Variants in SELENOI observed in about 807,000 individuals in gnomAD.
The protein encoded by SELENOI is ethanolaminephosphotransferase 1.
In SELENOI, 24 loss-of-function variants were observed where a neutral mutation model predicts 50.7. The observed-to-expected ratio is 0.47, with a 90% CI of 0.34 to 0.67. SELENOI has a LOEUF of 0.67. SELENOI is among the 30% of genes least tolerant of loss of function. The pLI, the probability that SELENOI is intolerant of heterozygous loss-of-function variation, is 0.01. For missense variants in SELENOI, 352 were observed against 461.4 expected, an observed-to-expected ratio of 0.76 and a Z score of 2.17; for synonymous variants, 155 against 170.2, an observed-to-expected ratio of 0.91 and a Z score of 0.70.
At chr2:26,376,391 T>C (rs1325293498) in intron 6 of SELENOI, among the ~76,000 whole-genome samples, 1 of 152,244 alleles carries the variant, frequency 6.6e-6, no homozygotes, top group Non-Finnish European at 1.5e-5. Flanking sequence ...GATTGTCCCA[T>C]GGCAGGTTTC....
At chr2:26,369,713 C>T (rs554479095) in intron 4 of SELENOI, among the ~76,000 whole-genome samples, 64 of 152,196 alleles carry the variant, frequency 4.2e-4, no homozygotes, top group Non-Finnish European at 8.8e-4. Flanking sequence ...CCCATATTCC[C>T]TACAACTTTT....
Position 26,389,301 on chromosome 2 carries a change from CTA to C in SELENOI, c.*200_*201del. Reference sequence around the variant, plus strand: ...TAAGCCTATTTTATTTTTTATAAAACTATGTGACATTTTGGTTGAGCAGAATG... The same window carrying C: ...TAAGCCTATTTTATTTTTTATAAAACTGTGACATTTTGGTTGAGCAGAATG... On this transcript the variant is annotated 3_prime_UTR_variant, in exon 10 of 10. Coordinates refer to ENST00000260585, the MANE Select transcript of SELENOI (RefSeq NM_033505.4). The C allele has an allele frequency of 6.0e-6, 3 of 498,372 alleles. No individual in the cohort carries two copies. The highest frequency in any genetic ancestry group is 3.7e-4 in the Middle Eastern group (1 of 2,678). 30.9% of individuals were successfully genotyped at this position (498,372 alleles called of 1,614,324 possible). A position where few individuals can be genotyped will look rare whatever the true frequency, so the allele number is the denominator to read the frequency against.
intron 6 of SELENOI, among the ~76,000 whole-genome samples, chr2:26,377,380 A>C (rs899825781): frequency 6.6e-6 from 1 of 152,122 alleles, no homozygotes; most frequent in Non-Finnish European, 1.5e-5. Flanking sequence ...CTGTAGTCCC[A>C]GCACTTTGAG....
chr2:26,349,367 C>T (rs1009214835), intron 1 of SELENOI, among the ~76,000 whole-genome samples: 49 of 145,260 alleles, frequency 3.4e-4, no homozygotes, highest in Non-Finnish European at 6.7e-4. Flanking sequence ...AGTGCAGTGG[C>T]GCGATCTCAG....
intron 6 of SELENOI, among the ~76,000 whole-genome samples, chr2:26,378,606 T>G (rs756552761): frequency 2.6e-5 from 4 of 152,188 alleles, no homozygotes; most frequent in Non-Finnish European, 4.4e-5. Flanking sequence ...TTCCATCATC[T>G]GGTCTGGGAC....
At chr2:26,371,098 C>G (rs1218323213) in intron 4 of SELENOI, among the ~76,000 whole-genome samples, 5 of 135,580 alleles carry the variant, frequency 3.7e-5, no homozygotes, top group Non-Finnish European at 6.3e-5. Flanking sequence ...GCTGGCCGGG[C>G]CAGGGGCTGA....
chr2:26,378,204 G>T (rs138564026), intron 6 of SELENOI, among the ~76,000 whole-genome samples: 1 of 152,228 alleles, frequency 6.6e-6, no homozygotes, highest in Non-Finnish European at 1.5e-5. Flanking sequence ...TTCCCCATCT[G>T]AATCTTCGGC....
intron 6 of SELENOI, among the ~76,000 whole-genome samples, chr2:26,380,439 A>G (rs909118720): frequency 1.3e-5 from 2 of 152,066 alleles, no homozygotes; most frequent in South Asian, 2.1e-4. Flanking sequence ...CGATCACTCC[A>G]CAGTGGTCTA....
chr2:26,393,795 A>G lies in SELENOI; in HGVS notation c.*4692A>G, dbSNP rs1011983097. 3 of 152,216 alleles carry G rather than the reference A, an allele frequency of 2.0e-5. No individual in the cohort carries two copies. Among genetic ancestry groups the G allele is most frequent in the Non-Finnish European group, 4.4e-5 (3 of 68,044 alleles). The allele number at this position is 152,216 out of a possible 1,614,324, so 9.4% of individuals were successfully genotyped here. A position where few individuals can be genotyped will look rare whatever the true frequency, so the allele number is the denominator to read the frequency against. The stretch of plus-strand genomic sequence containing the variant: ...AGCAGACTGCTCTTCAGCAGCACAT[A>G]TACTGCAACTGAAGTTAGAGACAGT... On this transcript the variant is annotated 3_prime_UTR_variant, in exon 10 of 10. Coordinates refer to ENST00000260585, the MANE Select transcript of SELENOI (RefSeq NM_033505.4).
At chr2:26,384,404 G>A (rs1454787679) in intron 7 of SELENOI, among the ~76,000 whole-genome samples, 5 of 152,276 alleles carry the variant, frequency 3.3e-5, no homozygotes, top group Admixed American at 6.5e-5. Flanking sequence ...GATCAATGGC[G>A]GAAGCAGGAC....
At chr2:26,371,236 C>T (rs1171579103) in intron 4 of SELENOI, among the ~76,000 whole-genome samples, 3 of 151,314 alleles carry the variant, frequency 2.0e-5, no homozygotes, top group African/African-American at 4.9e-5. Flanking sequence ...GGCTGCCAGG[C>T]GGAGAGGCTC....
chr2:26,355,866 C>CAA (rs1237361116), intron 1 of SELENOI, among the ~76,000 whole-genome samples: 2 of 151,300 alleles, frequency 1.3e-5, no homozygotes, highest in Non-Finnish European at 3.0e-5. Flanking sequence ...TTCAACCTCT[C>CAA]AAGTAGCTGG....
rs1677532883 is a variant in SELENOI, at chr2:26,374,854, GC to G, written c.574-181del. 2.0e-5 allele frequency among the ~76,000 whole-genome samples: 3 copies of G among 152,168 alleles called. No homozygotes were observed. In the South Asian group the frequency reaches 6.2e-4, roughly 31 times the overall value. ...CAGAGTGCTGGGATTACAGGCATGA[GC>G]CCCCACGTCCAGCCAAAAGATTGTA... On this transcript the variant is annotated intron_variant, in intron 5 of 9. Coordinates refer to ENST00000260585, the MANE Select transcript of SELENOI (RefSeq NM_033505.4).
At chr2:26,347,559 G>C (rs985558580) in intron 1 of SELENOI, among the ~76,000 whole-genome samples, 9 of 152,180 alleles carry the variant, frequency 5.9e-5, no homozygotes, top group Admixed American at 5.9e-4. Flanking sequence ...AGTGGAAAGA[G>C]GGTCCAGAGC....
chr2:26,358,802 G>C lies in SELENOI; in HGVS notation c.58-5500G>C, dbSNP rs148115968. Among the ~76,000 whole-genome samples, 4 of 152,310 alleles carry C rather than the reference G, an allele frequency of 2.6e-5. No individual in the cohort carries two copies. The East Asian group carries it at 7.7e-4, about 29-fold the overall frequency. ...TATTAGCATAGAGAAAGATGGCTTT[G>C]CAGTCCACGTGAGAAAGGCCTGAGG... On this transcript the variant is annotated intron_variant, in intron 1 of 9. Coordinates refer to ENST00000260585, the MANE Select transcript of SELENOI (RefSeq NM_033505.4).
chr2:26,389,024 AT>A lies in SELENOI; in HGVS notation c.1119del (p.Gln374ArgfsTer7). On this transcript the variant is annotated frameshift_variant, in exon 10 of 10. Coordinates refer to ENST00000260585, the MANE Select transcript of SELENOI (RefSeq NM_033505.4). LOFTEE classifies it high-confidence loss of function. ...TCATAGGTAAAGCAGCTGAGCAGCC[AT>A]TTTCAGATTTACCCCTTCTCATTGA... ...GVRVVKQLSS[H>X]FQIYPFSLRK... is the part of the protein sequence containing the mutation. The A allele has an allele frequency of 6.3e-7, 1 of 1,588,252 alleles. No individual in the cohort carries two copies. The highest frequency in any genetic ancestry group is 1.1e-5 in the South Asian group (1 of 87,016).
At chr2:26,357,618 G>T (rs1677090884) in intron 1 of SELENOI, among the ~76,000 whole-genome samples, 2 of 152,116 alleles carry the variant, frequency 1.3e-5, no homozygotes, top group Admixed American at 1.3e-4. Context: ...GGCCTGCCTG[G>T]GCCTGTGGCA....
At position 26,391,973 on chromosome 2, in the gene SELENOI, A is replaced by G. The variant is rs1221895554; in HGVS notation, c.*2870A>G. 6.6e-6 allele frequency: 1 copy of G among 152,218 alleles called. No homozygotes were observed. The highest frequency in any genetic ancestry group is 1.9e-4 in the East Asian group (1 of 5,204). The allele number at this position is 152,218 out of a possible 1,614,324, so 9.4% of individuals were successfully genotyped here. A position where few individuals can be genotyped will look rare whatever the true frequency, so the allele number is the denominator to read the frequency against. On this transcript the variant is annotated 3_prime_UTR_variant, in exon 10 of 10. Coordinates refer to ENST00000260585, the MANE Select transcript of SELENOI (RefSeq NM_033505.4). ...GTAACAGAGTGAATACCTTCCAAAT[A>G]AAAAGCTAAATATTCCTCCTTGTCA...
chr2:26,349,736 T>C (rs1297924081), intron 1 of SELENOI, among the ~76,000 whole-genome samples: 1 of 142,500 alleles, frequency 7.0e-6, no homozygotes, highest in African/African-American at 2.6e-5. Flanking sequence ...TAATTGATAG[T>C]GTAGCAGCTA....
Sources: allele counts gnomAD v4.1 joint callset (sites outside exome capture counted in the v4.1 genomes callset), GRCh38; gene constraint gnomAD v4.1.1; transcripts MANE v1.5; gene names NCBI Gene and HGNC (gene_info 2026-07-23, HGNC 2026-07-21).